The following CEACAM21 variants were observed in gnomAD, a reference collection of about 807,000 sequenced individuals.
CEACAM21 encodes CEA cell adhesion molecule 21, also known as cell adhesion molecule CEACAM21.
In CEACAM21, 38 loss-of-function variants were observed where a neutral mutation model predicts 33.2. The ratio of observed to expected loss-of-function variants is 1.14; its 90% CI spans 0.88 to 1.50. CEACAM21 has a LOEUF of 1.50. Among genes scored for constraint, CEACAM21 ranks in the 40% most tolerant of loss-of-function variants. The pLI, the probability that CEACAM21 is intolerant of heterozygous loss-of-function variation, is 0.00. For missense variants in CEACAM21, 385 were observed against 364.6 expected, an observed-to-expected ratio of 1.06 and a Z score of -0.46; for synonymous variants, 156 against 143.0, an observed-to-expected ratio of 1.09 and a Z score of -0.65.
intron 1 of CEACAM21, among the ~76,000 whole-genome samples, chr19:41,556,865 G>A (rs1030687483): frequency 6.6e-6 from 1 of 152,138 alleles, no homozygotes; most frequent in Non-Finnish European, 1.5e-5. Flanking sequence ...TTTAATGCAA[G>A]CCATGAAATC....
intron 6 of CEACAM21, chr19:41,586,199 AG>A: frequency 1.8e-6 from 1 of 565,980 alleles, no homozygotes; most frequent in East Asian, 3.2e-5. Flanking sequence ...CTATGAGGTG[AG>A]TGGGGGCCAC....
At chr19:41,560,895 C>T (rs1441770970) in intron 1 of CEACAM21, among the ~76,000 whole-genome samples, 6 of 152,158 alleles carry the variant, frequency 3.9e-5, no homozygotes, top group Non-Finnish European at 2.9e-5. Context: ...GAGAGCAAGA[C>T]AAGGGTGTTC....
chr19:41,568,944 T>A (rs1005240753), intron 2 of CEACAM21, among the ~76,000 whole-genome samples: 1 of 152,230 alleles, frequency 6.6e-6, no homozygotes, highest in African/African-American at 2.4e-5. Context: ...TGGAATATCT[T>A]CTATTTGTGC....
intron 1 of CEACAM21, among the ~76,000 whole-genome samples, chr19:41,555,848 C>T (rs1274132321): frequency 3.9e-5 from 6 of 152,226 alleles, no homozygotes; most frequent in Non-Finnish European, 7.3e-5. Context: ...GAGCCCCCTG[C>T]AATCACAACC....
intron 4 of CEACAM21, 70 bp from the exon 5 acceptor site, chr19:41,585,373 G>T: frequency 1.3e-6 from 2 of 1,521,822 alleles, no homozygotes; most frequent in Non-Finnish European, 1.8e-6. Flanking sequence ...TCCTTTCCTG[G>T]TCCCCTATTT....
intron 1 of CEACAM21, among the ~76,000 whole-genome samples, chr19:41,553,414 G>A (rs893043034): frequency 1.3e-5 from 2 of 151,918 alleles, no homozygotes; most frequent in African/African-American, 2.4e-5. Context: ...CCAGTTTCCC[G>A]TTTTTACTAA....
chr19:41,561,698 A>T (rs144031147), intron 1 of CEACAM21, among the ~76,000 whole-genome samples: 4 of 152,362 alleles, frequency 2.6e-5, no homozygotes, highest in Non-Finnish European at 5.9e-5. Context: ...TATTTAAGAC[A>T]GCGTGCTATT....
intron 1 of CEACAM21, among the ~76,000 whole-genome samples, chr19:41,558,678 C>T (rs1555786083): frequency 6.6e-6 from 1 of 152,056 alleles, no homozygotes; most frequent in African/African-American, 2.4e-5. Context: ...AAACCTTCAA[C>T]ATTTATACAA....
intron 3 of CEACAM21, 100 bp from the exon 4 acceptor site, chr19:41,584,247 G>A (rs952050951): frequency 4.9e-5 from 48 of 972,192 alleles, no homozygotes; most frequent in Non-Finnish European, 1.6e-6. Context: ...AGGCTCCATG[G>A]CATTTCCTTC....
chr19:41,578,415 G>A (rs952280893), intron 2 of CEACAM21, among the ~76,000 whole-genome samples: 2 of 152,002 alleles, frequency 1.3e-5, no homozygotes, highest in African/African-American at 2.4e-5. Flanking sequence ...TTTACAGAGA[G>A]GATGGCAAGC....
At position 41,551,123 on chromosome 19, in the gene CEACAM21, A is replaced by C. The variant is rs1266946899; in HGVS notation, c.-779+1571A>C. 5 of 151,302 alleles carry C rather than the reference A, an allele frequency of 3.3e-5. No individual in the cohort carries two copies. In the South Asian group the frequency reaches 8.3e-4, roughly 25 times the overall value. 9.4% of individuals were successfully genotyped at this position (151,302 alleles called of 1,614,324 possible). On this transcript the variant is annotated intron_variant, in intron 1 of 7. Transcript: ENST00000407170. ...TGATAAATAAAATATTGTTAAATGC[A>C]ATGTTGCCTCATGATTTTTTTTTTC... is the stretch of plus-strand genomic sequence containing the variant.
chr19:41,581,187 T>G (rs1555793393), intron 3 of CEACAM21, among the ~76,000 whole-genome samples: 1 of 152,210 alleles, frequency 6.6e-6, no homozygotes, highest in Non-Finnish European at 1.5e-5. Context: ...GGAATACCTG[T>G]CCCACCCAGG....
intron 1 of CEACAM21, among the ~76,000 whole-genome samples, chr19:41,561,860 C>G (rs2041903087): frequency 6.6e-6 from 1 of 152,164 alleles, no homozygotes; most frequent in African/African-American, 2.4e-5. Flanking sequence ...CACACAAAGA[C>G]CCTTGGGGAT....
At chr19:41,568,802 G>A (rs782439720) in intron 2 of CEACAM21, among the ~76,000 whole-genome samples, 1 of 152,144 alleles carries the variant, frequency 6.6e-6, no homozygotes, top group Non-Finnish European at 1.5e-5. Flanking sequence ...AATTTTTGTG[G>A]TTTCTAATTT....
chr19:41,561,084 C>T (rs2041855185), intron 1 of CEACAM21, among the ~76,000 whole-genome samples: 1 of 152,128 alleles, frequency 6.6e-6, no homozygotes, highest in Admixed American at 6.5e-5. Flanking sequence ...TTGTTAGAAT[C>T]AAAAGATTGT....
chr19:41,569,317 A>T (rs2042455046), intron 2 of CEACAM21, among the ~76,000 whole-genome samples: 1 of 152,062 alleles, frequency 6.6e-6, no homozygotes, highest in African/African-American at 2.4e-5. Flanking sequence ...CAGCTCAAGC[A>T]ATCCTCCCAC....
At chr19:41,573,194 C>T (rs181535144), upstream of CEACAM21, among the ~76,000 whole-genome samples, 19 of 152,320 alleles carry the variant, frequency 1.2e-4, no homozygotes, top group South Asian at 2.1e-4. Flanking sequence ...ACATGGACTC[C>T]GGCCTGATGT....
At chr19:41,552,677 C>T (rs1286754846) in intron 1 of CEACAM21, among the ~76,000 whole-genome samples, 1 of 152,142 alleles carries the variant, frequency 6.6e-6, no homozygotes, top group Non-Finnish European at 1.5e-5. Context: ...ATCTTTCTGG[C>T]TACTTCCTGC....
upstream of CEACAM21, among the ~76,000 whole-genome samples, chr19:41,571,985 C>T (rs1555789619): frequency 6.6e-6 from 1 of 151,764 alleles, no homozygotes; most frequent in East Asian, 1.9e-4. Context: ...AAGCTTTCCA[C>T]CTCCTTGGGA....
Sources: allele counts gnomAD v4.1 joint callset (sites outside exome capture counted in the v4.1 genomes callset), GRCh38; gene constraint gnomAD v4.1.1; transcripts MANE v1.5; gene names NCBI Gene and HGNC (gene_info 2026-07-23, HGNC 2026-07-21).